Variants in TMEM244 observed in about 807,000 individuals in gnomAD.
TMEM244 encodes the protein putative transmembrane protein 244.
A neutral mutation model predicts 15.8 loss-of-function variants in TMEM244; 13 were observed. That is an observed-to-expected ratio of 0.82 (90% CI 0.53 to 1.30). The LOEUF (loss-of-function observed/expected upper bound fraction) is 1.30. Among genes scored for constraint, TMEM244 ranks in the 50% most tolerant of loss-of-function variants. The pLI, the probability that TMEM244 is intolerant of heterozygous loss-of-function variation, is 0.00. For missense variants in TMEM244, 161 were observed against 144.9 expected, an observed-to-expected ratio of 1.11 and a Z score of -0.57; for synonymous variants, 45 against 48.7, an observed-to-expected ratio of 0.92 and a Z score of 0.32.
chr6:129,856,466 T>G (rs1406141672), intron 1 of TMEM244, among the ~76,000 whole-genome samples: 1 of 152,136 alleles, frequency 6.6e-6, no homozygotes. Flanking sequence ...TTAGCACACA[T>G]GCATGCACAC....
intron 3 of TMEM244, among the ~76,000 whole-genome samples, chr6:129,842,579 C>A (rs1480338569): frequency 3.1e-5 from 4 of 128,040 alleles, no homozygotes; most frequent in Non-Finnish European, 6.7e-5. Flanking sequence ...AAAATATTCT[C>A]CAGTGGTTTT....
At chr6:129,854,887 G>T (rs1367195578) in intron 1 of TMEM244, among the ~76,000 whole-genome samples, 1 of 152,176 alleles carries the variant, frequency 6.6e-6, no homozygotes, top group Non-Finnish European at 1.5e-5. Context: ...TGAAGATCTA[G>T]GCTCTTAGGA....
At chr6:129,832,382 G>A (rs1260493256) in intron 4 of TMEM244, among the ~76,000 whole-genome samples, 2 of 152,150 alleles carry the variant, frequency 1.3e-5, no homozygotes, top group Non-Finnish European at 1.5e-5. Flanking sequence ...ACAGGCGTGA[G>A]CCACGGCACC....
At chr6:129,853,100 G>A (rs1451756967) in intron 1 of TMEM244, among the ~76,000 whole-genome samples, 1 of 152,074 alleles carries the variant, frequency 6.6e-6, no homozygotes, top group Non-Finnish European at 1.5e-5. Flanking sequence ...TCCAATGGAG[G>A]AACTGGTAGA....
At chr6:129,846,186 A>G (rs1016577457) in intron 1 of TMEM244, among the ~76,000 whole-genome samples, 16 of 152,328 alleles carry the variant, frequency 1.1e-4, no homozygotes, top group Middle Eastern at 6.8e-3. Context: ...TGAATAATAC[A>G]TAGTCTCTAT....
intron 1 of TMEM244, among the ~76,000 whole-genome samples, chr6:129,847,496 G>T (rs1010406756): frequency 6.6e-6 from 1 of 152,132 alleles, no homozygotes; most frequent in African/African-American, 2.4e-5. Context: ...TTGGCTGAAT[G>T]GACCAAATTT....
intron 2 of TMEM244, among the ~76,000 whole-genome samples, chr6:129,844,566 T>A (rs187228652): frequency 7.2e-5 from 11 of 152,322 alleles, no homozygotes; most frequent in Admixed American, 4.6e-4. Flanking sequence ...AAGTTTGTAG[T>A]CGTGTGCAGC....
At chr6:129,840,069 GA>G (rs1776466712) in intron 3 of TMEM244, among the ~76,000 whole-genome samples, 2 of 151,876 alleles carry the variant, frequency 1.3e-5, no homozygotes, top group Non-Finnish European at 2.9e-5. Flanking sequence ...CACAGAATTG[GA>G]AAAAACTACT....
chr6:129,845,516 T>A (rs1776548502), intron 2 of TMEM244, among the ~76,000 whole-genome samples: 1 of 152,188 alleles, frequency 6.6e-6, no homozygotes, highest in East Asian at 1.9e-4. Context: ...CAGGGGCTCA[T>A]GCCTGTAATC....
chr6:129,861,091 A>G lies in TMEM244; in HGVS notation c.33+65T>C, dbSNP rs1409897178. ...CTGACAGAGAGGCCATTTATAGAACATATTCATTTACACCAGTGCTAGGCA... is the reference window on the plus strand; with the variant it reads ...CTGACAGAGAGGCCATTTATAGAACGTATTCATTTACACCAGTGCTAGGCA... On this transcript the variant is annotated intron_variant, in intron 1 of 4. Transcript: ENST00000368143. 5 of 1,571,410 alleles carry G rather than the reference A, an allele frequency of 3.2e-6. No homozygotes were observed. The African/African-American group carries it at 5.4e-5, about 17-fold the overall frequency.
intron 2 of TMEM244, among the ~76,000 whole-genome samples, chr6:129,844,096 A>AG (rs1776530087): frequency 6.6e-6 from 1 of 151,928 alleles, no homozygotes; most frequent in Admixed American, 6.6e-5. Context: ...GTAATGTTGA[A>AG]AAAAGTTACA....
chr6:129,854,185 G>T (rs1776672964), intron 1 of TMEM244, among the ~76,000 whole-genome samples: 1 of 152,144 alleles, frequency 6.6e-6, no homozygotes, highest in Admixed American at 6.6e-5. Context: ...GTAGTGTCTG[G>T]TGTGGTTCCT....
At chr6:129,833,293 CA>C (rs893006318) in intron 4 of TMEM244, among the ~76,000 whole-genome samples, 166 bp downstream of exon 4, 6 of 151,986 alleles carry the variant, frequency 3.9e-5, no homozygotes, top group African/African-American at 9.7e-5. Context: ...AAGAGTGGTA[CA>C]AAAAAATTTG....
intron 1 of TMEM244, among the ~76,000 whole-genome samples, chr6:129,852,722 C>A (rs1413506652): frequency 1.3e-5 from 2 of 152,150 alleles, no homozygotes; most frequent in Non-Finnish European, 2.9e-5. Flanking sequence ...TAACAGGGTT[C>A]TACTGGGGGT....
chr6:129,854,297 G>A (rs922329801), intron 1 of TMEM244, among the ~76,000 whole-genome samples: 2 of 152,110 alleles, frequency 1.3e-5, no homozygotes, highest in Admixed American at 6.6e-5. Context: ...GTTATTAAAG[G>A]AGAATCAGTT....
chr6:129,845,783 C>G lies in TMEM244; in HGVS notation c.103G>C (p.Gly35Arg), dbSNP rs754830761. Residue 35 changes from glycine to arginine, a missense_variant, in exon 2 of 5, where the codon GGC becomes CGC. Gly to Arg is a moderately radical substitution (Grantham distance 125, BLOSUM62 -2). Transcript: ENST00000368143. ...YTVYYVSLSM[G>R]CVMFEVHELN... Reference sequence around the variant, plus strand: ...GCTACTTACTCAAACATCACGCAGCCCATGCTCAGGGACACATAGTACACA... The same window carrying G: ...GCTACTTACTCAAACATCACGCAGCGCATGCTCAGGGACACATAGTACACA... 5 of 1,612,138 alleles carry G rather than the reference C, an allele frequency of 3.1e-6. No homozygotes were observed. Among genetic ancestry groups the G allele is most frequent in the Non-Finnish European group, 4.2e-6 (5 of 1,179,186 alleles).
intron 3 of TMEM244, among the ~76,000 whole-genome samples, chr6:129,835,225 G>T (rs763656132): frequency 1.3e-5 from 2 of 151,976 alleles, no homozygotes; most frequent in Non-Finnish European, 2.9e-5. Context: ...GCAAGACTCT[G>T]TCTCTAAAAG....
intron 3 of TMEM244, among the ~76,000 whole-genome samples, chr6:129,840,794 G>A (rs1283562344): frequency 1.3e-5 from 2 of 152,118 alleles, no homozygotes; most frequent in Admixed American, 6.5e-5. Context: ...AAAAGAAGAC[G>A]TTTATGCCGC....
chr6:129,860,813 C>CA (rs11480627), intron 1 of TMEM244, among the ~76,000 whole-genome samples: 10,841 of 127,226 alleles, frequency 0.085, 687 homozygotes, highest in African/African-American at 0.19. Flanking sequence ...CCACTCCCTG[C>CA]AAAAAAAAAA....
Sources: gnomAD v4.1 joint callset for allele counts (sites outside exome capture counted in the v4.1 genomes callset) on GRCh38, gnomAD v4.1.1 for gene constraint, MANE v1.5 for transcripts, NCBI Gene and HGNC (gene_info 2026-07-23, HGNC 2026-07-21) for gene names.